Variants in UNC13C observed in about 807,000 individuals in gnomAD.
UNC13C encodes the protein unc-13 homolog C.
UNC13C carries 174 observed loss-of-function variants against 245.4 expected under a neutral mutation model. That is an observed-to-expected ratio of 0.71 (90% CI 0.63 to 0.80). The LOEUF (loss-of-function observed/expected upper bound fraction) is 0.80. UNC13C is among the 30% of genes least tolerant of loss of function. UNC13C has a pLI of 0.00. For missense variants in UNC13C, 2,829 were observed against 2,602.9 expected, an observed-to-expected ratio of 1.09 and a Z score of -1.89; for synonymous variants, 992 against 895.1, an observed-to-expected ratio of 1.11 and a Z score of -1.93.
intron 22 of UNC13C, among the ~76,000 whole-genome samples, chr15:54,503,729 ATAAT>A (rs765002181): frequency 5.3e-5 from 8 of 152,204 alleles, no homozygotes; most frequent in Non-Finnish European, 1.2e-4. Context: ...TGTGTTTACT[ATAAT>A]TAGCCATTTC....
chr15:54,567,758 ACTT>A (rs1395037010), intron 29 of UNC13C, 39 bp from the exon 30 acceptor site: 11 of 1,517,076 alleles, frequency 7.3e-6, no homozygotes, highest in Non-Finnish European at 8.9e-6. Flanking sequence ...GTCTTCCAAT[ACTT>A]CTCTCTAAAT....
chr15:53,933,327 TA>T, the UNC13C span, among the ~76,000 whole-genome samples: 1 of 151,950 alleles, frequency 6.6e-6, no homozygotes, highest in African/African-American at 2.4e-5. Flanking sequence ...ACCTCTTCAA[TA>T]AAGAAAAAAC....
chr15:54,542,304 C>A (rs1225031895), intron 26 of UNC13C, among the ~76,000 whole-genome samples: 1 of 152,028 alleles, frequency 6.6e-6, no homozygotes, highest in Non-Finnish European at 1.5e-5. Context: ...TGTAGTCATG[C>A]GGTTTTGAGT....
intron 30 of UNC13C, among the ~76,000 whole-genome samples, chr15:54,582,068 G>A (rs1566922264): frequency 6.6e-6 from 1 of 151,912 alleles, no homozygotes; most frequent in Non-Finnish European, 1.5e-5. Context: ...AAGGAATTAA[G>A]AGAAAGGGAA....
chr15:54,243,864 A>T (rs944616050), intron 7 of UNC13C, among the ~76,000 whole-genome samples: 16 of 152,078 alleles, frequency 1.1e-4, no homozygotes, highest in African/African-American at 3.1e-4. Context: ...TTCCTTATAG[A>T]TCTTGGATAT....
intron 19 of UNC13C, among the ~76,000 whole-genome samples, chr15:54,471,233 C>A (rs908516369): frequency 2.0e-5 from 3 of 151,338 alleles, no homozygotes; most frequent in Non-Finnish European, 4.4e-5. Context: ...ATAGTTCAAG[C>A]AAATGCTTTT....
At chr15:54,603,813 A>G (rs1318901737) in intron 30 of UNC13C, among the ~76,000 whole-genome samples, 1 of 152,142 alleles carries the variant, frequency 6.6e-6, no homozygotes, top group Non-Finnish European at 1.5e-5. Flanking sequence ...CAGTGAGCTG[A>G]GGTCGCAGCA....
intron 19 of UNC13C, among the ~76,000 whole-genome samples, chr15:54,444,140 A>G (rs1890676758): frequency 6.6e-6 from 1 of 151,888 alleles, no homozygotes; most frequent in Admixed American, 6.6e-5. Flanking sequence ...TTATCATTAT[A>G]TAATAATCTT....
chr15:54,482,166 C>T (rs556900949), intron 19 of UNC13C, among the ~76,000 whole-genome samples: 297 of 152,170 alleles, frequency 2.0e-3, no homozygotes, highest in Non-Finnish European at 3.3e-3. Flanking sequence ...GCTGCACTGC[C>T]GTGTCCAGCT....
At chr15:54,538,534 CACAT>C (rs746198765) in intron 26 of UNC13C, among the ~76,000 whole-genome samples, 4 of 152,028 alleles carry the variant, frequency 2.6e-5, no homozygotes, top group Non-Finnish European at 5.9e-5. Flanking sequence ...ACCGTAAAGA[CACAT>C]GCATGCGTAT....
At chr15:54,362,327 G>C (rs2140866868) in intron 17 of UNC13C, among the ~76,000 whole-genome samples, 1 of 152,294 alleles carries the variant, frequency 6.6e-6, no homozygotes, top group South Asian at 2.1e-4. Context: ...CACAGGTCTA[G>C]GGAAATTCTT....
At chr15:54,338,098 A>G (rs1175888252) in intron 16 of UNC13C, among the ~76,000 whole-genome samples, 2 of 152,182 alleles carry the variant, frequency 1.3e-5, no homozygotes, top group Non-Finnish European at 2.9e-5. Flanking sequence ...TGAATGATGG[A>G]ATGGAATGAA....
chr15:54,295,050 A>G (rs2140937807), intron 11 of UNC13C, among the ~76,000 whole-genome samples: 1 of 152,332 alleles, frequency 6.6e-6, no homozygotes, highest in Middle Eastern at 3.4e-3. Context: ...AAACTATCTT[A>G]AGAAATCTTC....
At chr15:54,462,632 G>A (rs1449667387) in intron 19 of UNC13C, among the ~76,000 whole-genome samples, 2 of 152,222 alleles carry the variant, frequency 1.3e-5, no homozygotes, top group Non-Finnish European at 2.9e-5. Context: ...GGGTCCCCCA[G>A]CACTGCCGGC....
At chr15:54,500,049 G>A (rs746995378) in intron 20 of UNC13C, 30 bp from the exon 21 acceptor site, 3 of 1,498,428 alleles carry the variant, frequency 2.0e-6, no homozygotes, top group Admixed American at 2.0e-5. Context: ...GATGTCCTTT[G>A]TGGTATGTAA....
chr15:54,507,090 T>C (rs1406600268), intron 22 of UNC13C, 27 bp from the exon 23 acceptor site: 1 of 1,501,672 alleles, frequency 6.7e-7, no homozygotes, highest in Non-Finnish European at 9.1e-7. Context: ...CTTACCTGGG[T>C]AAAGTTCACA....
the UNC13C span, among the ~76,000 whole-genome samples, chr15:53,880,646 A>G: frequency 1.3e-5 from 2 of 151,972 alleles, no homozygotes; most frequent in African/African-American, 2.4e-5. Flanking sequence ...TCTAACAGGA[A>G]TTAATCACGA....
At chr15:53,860,583 C>A in the UNC13C span, among the ~76,000 whole-genome samples, 1 of 152,126 alleles carries the variant, frequency 6.6e-6, no homozygotes, top group South Asian at 2.1e-4. Flanking sequence ...CTTAGAATGA[C>A]CTGAAATAGC....
chr15:54,366,626 A>G (rs1452222691), intron 17 of UNC13C, among the ~76,000 whole-genome samples: 2 of 152,136 alleles, frequency 1.3e-5, no homozygotes, highest in Non-Finnish European at 2.9e-5. Flanking sequence ...AAAATAATTA[A>G]CTCTTTGACC....
Sources: gnomAD v4.1 joint callset for allele counts (sites outside exome capture counted in the v4.1 genomes callset) on GRCh38, gnomAD v4.1.1 for gene constraint, MANE v1.5 for transcripts, NCBI Gene and HGNC (gene_info 2026-07-23, HGNC 2026-07-21) for gene names.